The following SMIM14 variants were observed in gnomAD, a reference collection of about 807,000 sequenced individuals.
SMIM14 encodes small integral membrane protein 14, also known as chromosome 4 open reading frame 34.
In SMIM14, 5 loss-of-function variants were observed where a neutral mutation model predicts 12.6. That is an observed-to-expected ratio of 0.40 (90% confidence interval 0.21 to 0.83). The LOEUF is 0.83. Among genes scored for constraint, SMIM14 ranks in the 40% least tolerant of loss-of-function variants. The pLI, the probability that SMIM14 is intolerant of heterozygous loss-of-function variation, is 0.37. For missense variants in SMIM14, 86 were observed against 119.1 expected (o/e 0.72, Z 1.29); for synonymous variants, 30 against 40.1 (o/e 0.75, Z 0.95).
chr4:39,568,135 C>T (rs535397843), intron 3 of SMIM14, among the ~76,000 whole-genome samples: 2 of 152,054 alleles, frequency 1.3e-5, no homozygotes, highest in South Asian at 4.2e-4. Flanking sequence ...AAAAATTAGC[C>T]AGGTGTGGTA....
intron 2 of SMIM14, among the ~76,000 whole-genome samples, chr4:39,585,290 CTAT>C (rs151026017): frequency 0.057 from 8,576 of 150,230 alleles, 292 homozygotes; most frequent in East Asian, 0.085. Flanking sequence ...CATATTACTT[CTAT>C]TATTATTATT....
intron 2 of SMIM14, among the ~76,000 whole-genome samples, chr4:39,581,229 TTAAA>T (rs1430203332): frequency 1.3e-5 from 2 of 152,174 alleles, no homozygotes; most frequent in African/African-American, 2.4e-5. Context: ...AAAATGTTTT[TTAAA>T]TATTTTATGC....
At chr4:39,576,678 ATATATATTTT>A (rs1560289730) in intron 2 of SMIM14, among the ~76,000 whole-genome samples, 1 of 29,926 alleles carries the variant, frequency 3.3e-5, no homozygotes, top group African/African-American at 1.3e-4. Flanking sequence ...ATATATATAT[ATATATATTTT>A]TTTTTTTTTT....
chr4:39,556,431 A>T lies in SMIM14; in HGVS notation c.264T>A (p.His88Gln), dbSNP rs370080364. 27 of 1,610,786 alleles carry T rather than the reference A, an allele frequency of 1.7e-5. No individual in the cohort carries two copies. Among genetic ancestry groups the T allele is most frequent in the Non-Finnish European group, 2.0e-5 (24 of 1,179,172 alleles). ...ATTTAAAATCTGCAACACTTACATT[A>T]TGAGGACTGGTTGGCTTTCCAGGTA... The part of the protein sequence containing the change: ...SSLPGKPTSP[H>Q]NGQDPPAPPV... The change falls in exon 4 of 5, where the codon CAT (histidine) becomes CAA (glutamine). Residue 88 changes from histidine (H) to glutamine (Q), a missense_variant. By Grantham distance (24) the His-to-Gln change is conservative. Coordinates refer to ENST00000295958, the MANE Select transcript of SMIM14 (RefSeq NM_174921.3).
At chr4:39,591,951 A>G (rs989151926) in intron 2 of SMIM14, among the ~76,000 whole-genome samples, 5 of 152,136 alleles carry the variant, frequency 3.3e-5, no homozygotes, top group African/African-American at 1.2e-4. Context: ...CTTAGCACTT[A>G]AGGAGGGTGG....
chr4:39,583,335 C>A (rs1713613831), intron 2 of SMIM14, among the ~76,000 whole-genome samples: 1 of 152,042 alleles, frequency 6.6e-6, no homozygotes, highest in South Asian at 2.1e-4. Context: ...TGGGCTCAAG[C>A]AATCTTCCCA....
rs1713761882 is a variant in SMIM14 at position 39,585,899 on chromosome 4, C to T, written c.76-13436G>A. On this transcript the variant is annotated intron_variant, in intron 2 of 4. Coordinates refer to ENST00000295958, the MANE Select transcript of SMIM14 (RefSeq NM_174921.3). ...TGAATTGCTGTTAAGGTCGCTCTTC[C>T]CTTGTCATGAAGAATAATGTCCAGA... 6.6e-5 allele frequency among the ~76,000 whole-genome samples: 10 copies of T among 152,170 alleles called. No individual in the cohort carries two copies. In the South Asian group the frequency reaches 2.1e-3, roughly 32 times the overall value.
intron 1 of SMIM14, among the ~76,000 whole-genome samples, chr4:39,631,612 T>C (rs1425149513): frequency 3.9e-5 from 6 of 152,020 alleles, no homozygotes; most frequent in Non-Finnish European, 7.4e-5. Context: ...TGAGCCGACA[T>C]TGCGCCACTG....
Position 39,622,073 on chromosome 4 carries a change from CTTTTTTG to C in SMIM14, c.-36+16659_-36+16665del, listed in dbSNP as rs768536371. ...CATAAAAATAAACATAGCAAATGCA[CTTTTTTG>C]TTTTTTGTTTTTTGTTTTTTTGAGA... On this transcript the variant is annotated intron_variant, in intron 1 of 4. Transcript: ENST00000295958. Among the ~76,000 whole-genome samples, 403 of 152,072 alleles carry C rather than the reference CTTTTTTG, an allele frequency of 2.7e-3. 1 individual carries two copies. Among genetic ancestry groups the C allele is most frequent in the Middle Eastern group, 0.01 (3 of 294 alleles).
chr4:39,622,087 G>T (rs975313096), intron 1 of SMIM14, among the ~76,000 whole-genome samples: 3 of 151,838 alleles, frequency 2.0e-5, no homozygotes, highest in Non-Finnish European at 4.4e-5. Context: ...TTTGTTTTTT[G>T]TTTTTTGTTT....
intron 1 of SMIM14, among the ~76,000 whole-genome samples, chr4:39,610,826 G>T (rs1421929036): frequency 1.3e-4 from 19 of 151,858 alleles, no homozygotes; most frequent in Admixed American, 1.2e-3. Flanking sequence ...ATGTATTTAT[G>T]CATTAAGACT....
chr4:39,572,854 T>C (rs1712973245), intron 2 of SMIM14, among the ~76,000 whole-genome samples: 1 of 152,006 alleles, frequency 6.6e-6, no homozygotes, highest in South Asian at 2.1e-4. Context: ...TTTGTTTTTT[T>C]GAGACAGGGT....
intron 2 of SMIM14, among the ~76,000 whole-genome samples, chr4:39,604,011 A>AG (rs1393778744): frequency 9.2e-6 from 1 of 109,220 alleles, no homozygotes; most frequent in Non-Finnish European, 2.1e-5. Context: ...ACACTGTCTC[A>AG]AAAAAAAAAA....
chr4:39,635,405 G>T (rs1033121201), intron 1 of SMIM14, among the ~76,000 whole-genome samples: 2 of 152,142 alleles, frequency 1.3e-5, no homozygotes, highest in Non-Finnish European at 2.9e-5. Flanking sequence ...ACAAGGGGGT[G>T]TCAAGGTAAT....
chr4:39,551,719 C>G lies in SMIM14; in HGVS notation c.*407G>C, dbSNP rs947302651. 1 of 153,242 alleles carries G rather than the reference C, an allele frequency of 6.5e-6. No individual in the cohort carries two copies. Among genetic ancestry groups the G allele is most frequent in the South Asian group, 2.1e-4 (1 of 4,796 alleles). 9.5% of individuals were successfully genotyped at this position (153,242 alleles called of 1,614,324 possible). ...ACAACCCCAAATAACTTTATAAATA[C>G]CTTATGAAAAAAAGCAATTTAAAAA... On this transcript the variant is annotated 3_prime_UTR_variant, in exon 5 of 5. Transcript: ENST00000295958.
chr4:39,590,512 T>C (rs1012566403), intron 2 of SMIM14, among the ~76,000 whole-genome samples: 2 of 148,642 alleles, frequency 1.3e-5, no homozygotes, highest in Non-Finnish European at 3.0e-5. Context: ...TAAAAATCCA[T>C]AGTTATCGGC....
At chr4:39,585,509 C>G (rs1199817593) in intron 2 of SMIM14, among the ~76,000 whole-genome samples, 1 of 151,950 alleles carries the variant, frequency 6.6e-6, no homozygotes, top group Non-Finnish European at 1.5e-5. Flanking sequence ...GTTGGTAAGT[C>G]TGGTCTCGAA....
intron 1 of SMIM14, among the ~76,000 whole-genome samples, chr4:39,614,091 G>A (rs1715128780): frequency 6.6e-6 from 1 of 151,038 alleles, no homozygotes; most frequent in South Asian, 2.1e-4. Flanking sequence ...TGCTTGGGAG[G>A]CTGAAGCAGA....
intron 1 of SMIM14, among the ~76,000 whole-genome samples, chr4:39,620,467 T>TA (rs1211073960): frequency 1.3e-5 from 2 of 151,844 alleles, no homozygotes; most frequent in African/African-American, 2.4e-5. Flanking sequence ...GCGAGAGAGA[T>TA]AGACTGTATC....
Sources: allele counts gnomAD v4.1 joint callset (sites outside exome capture counted in the v4.1 genomes callset), GRCh38; gene constraint gnomAD v4.1.1; transcripts MANE v1.5; gene names NCBI Gene and HGNC (gene_info 2026-07-23, HGNC 2026-07-21).